NAA25: variants seen among roughly 807,000 people sequenced by gnomAD.
The protein encoded by NAA25 is N-terminal acetyltransferase B complex subunit NAA25.
NAA25 carries 30 observed loss-of-function variants against 132.5 expected under a neutral mutation model. That is an observed-to-expected ratio of 0.23 (90% confidence interval 0.17 to 0.31). The LOEUF is 0.31. NAA25 is among the 10% of genes least tolerant of loss of function. The pLI is 1.00. For missense variants in NAA25, 771 were observed against 1,150.4 expected (o/e 0.67, Z 4.77); for synonymous variants, 359 against 401.9 (o/e 0.89, Z 1.28).
At chr12:112,063,393 G>A (rs1329193716) in intron 11 of NAA25, among the ~76,000 whole-genome samples, 1 of 152,142 alleles carries the variant, frequency 6.6e-6, no homozygotes, top group Non-Finnish European at 1.5e-5. Flanking sequence ...GAACAGCCTG[G>A]GTTTTACAGC....
intron 13 of NAA25, among the ~76,000 whole-genome samples, chr12:112,054,802 T>C (rs1386445372): frequency 2.0e-5 from 3 of 152,060 alleles, no homozygotes; most frequent in Non-Finnish European, 4.4e-5. Flanking sequence ...CGATGCAGAT[T>C]TTAAGTGGCC....
At chr12:112,107,379 CTGT>C (rs1171772989) in intron 1 of NAA25, among the ~76,000 whole-genome samples, 1 of 151,458 alleles carries the variant, frequency 6.6e-6, no homozygotes, top group Non-Finnish European at 1.5e-5. Context: ...GTTTCCTCAT[CTGT>C]TTTTTTTTTT....
chr12:112,045,293 C>T (rs2078362781), intron 17 of NAA25, among the ~76,000 whole-genome samples: 1 of 151,842 alleles, frequency 6.6e-6, no homozygotes, highest in Non-Finnish European at 1.5e-5. Flanking sequence ...AGATCGAGAC[C>T]ATCCTGGCTA....
rs2078431770 is a variant in NAA25 at position 112,049,453 on chromosome 12, A to C, written c.1729-1010T>G. On this transcript the variant is annotated intron_variant, in intron 15 of 23. Coordinates refer to ENST00000261745, the MANE Select transcript of NAA25 (RefSeq NM_024953.4). The surrounding 1 kb of genome is among the most constrained non-coding windows in gnomAD (Gnocchi z 4.7). Reference sequence around the variant, plus strand: ...ATTACGTCTGAATAATTTGCCCAGTAGGAAAATAGGCCAATAGTCAACAAC... The same window carrying C: ...ATTACGTCTGAATAATTTGCCCAGTCGGAAAATAGGCCAATAGTCAACAAC... 29 of 985,838 alleles carry C rather than the reference A, an allele frequency of 2.9e-5. No individual in the cohort carries two copies. Among genetic ancestry groups the C allele is most frequent in the Non-Finnish European group, 3.5e-5 (29 of 829,902 alleles). The allele number at this position is 985,838 out of a possible 1,614,324, so 61.1% of individuals were successfully genotyped here. A position where few individuals can be genotyped will look rare whatever the true frequency, so the allele number is the denominator to read the frequency against.
At chr12:112,089,324 T>A (rs1233203933) in intron 3 of NAA25, among the ~76,000 whole-genome samples, 4 of 152,182 alleles carry the variant, frequency 2.6e-5, no homozygotes, top group Non-Finnish European at 5.9e-5. Context: ...GAATACCAAG[T>A]GTTGACAAGC....
At chr12:112,096,449 TTAAC>T (rs2079213865) in intron 1 of NAA25, among the ~76,000 whole-genome samples, 3 of 152,318 alleles carry the variant, frequency 2.0e-5, no homozygotes, top group African/African-American at 7.2e-5. Flanking sequence ...CAATTAACAC[TTAAC>T]TAAAACTTAG....
intron 10 of NAA25, among the ~76,000 whole-genome samples, chr12:112,070,653 C>G (rs1204781855): frequency 6.6e-6 from 1 of 152,140 alleles, no homozygotes; most frequent in Non-Finnish European, 1.5e-5. Context: ...TCTTGGCTAA[C>G]TGCAACCTCC....
intron 11 of NAA25, among the ~76,000 whole-genome samples, chr12:112,064,964 G>A (rs1178007596): frequency 2.0e-5 from 3 of 152,166 alleles, no homozygotes; most frequent in Non-Finnish European, 1.5e-5. Flanking sequence ...AACCCAGGAG[G>A]TGGAGGTTGC....
intron 1 of NAA25, among the ~76,000 whole-genome samples, chr12:112,101,449 G>C (rs1450343829): frequency 6.6e-6 from 1 of 152,052 alleles, no homozygotes; most frequent in South Asian, 2.1e-4. Flanking sequence ...CTAGAAAAAT[G>C]AAAGATATAT....
intron 13 of NAA25, among the ~76,000 whole-genome samples, chr12:112,056,863 C>A (rs2078553198): frequency 6.6e-6 from 1 of 152,148 alleles, no homozygotes; most frequent in African/African-American, 2.4e-5. Context: ...ATTTCTCTCA[C>A]CTATAAAACT....
chr12:112,071,933 C>T lies in NAA25; in HGVS notation c.998G>A (p.Arg333His), dbSNP rs972618736. 5 of 1,613,764 alleles carry T rather than the reference C, an allele frequency of 3.1e-6. No homozygotes were observed. Among genetic ancestry groups the T allele is most frequent in the Non-Finnish European group, 4.2e-6 (5 of 1,179,994 alleles). ...PHLAKLELIRRLRSQGCNDEY... is the reference protein window; with the variant it reads ...PHLAKLELIRHLRSQGCNDEY... The stretch of plus-strand genomic sequence containing the variant: ...ATCGTTACAACCTTGACTTCGTAAA[C>T]GCCTAATCAGCTCCAATTTAGCTAG... Residue 333 changes from arginine (R) to histidine (H), a missense_variant, in exon 10 of 24, where the codon CGT (arginine) becomes CAT (histidine). Arg to His is a conservative substitution (Grantham distance 29). Around this residue, in one of 3 missense-constraint regions of NAA25, gnomAD observed 417 missense variants for 733.8 expected, o/e 0.57. Transcript: ENST00000261745.
At chr12:112,088,202 C>T (rs1268902022) in intron 3 of NAA25, among the ~76,000 whole-genome samples, 1 of 152,016 alleles carries the variant, frequency 6.6e-6, no homozygotes, top group Non-Finnish European at 1.5e-5. Flanking sequence ...AGACCCAATT[C>T]AAATGTAAGC....
In NAA25 at chr12:112,048,313, T is replaced by C; in HGVS notation, c.1859A>G (p.Asp620Gly). The stretch of plus-strand genomic sequence containing the variant: ...TTACATATTTGCTTCAAGTAGAAGG[T>C]CTAACAGCATCCGTTCAGTACGGAC... ...AQVRTERMLLDLLLEANISTS... is the reference protein window; with the variant it reads ...AQVRTERMLLGLLLEANISTS... Residue 620 changes from aspartate to glycine, a missense_variant, in exon 16 of 24, where the codon GAC becomes GGC. Transcript: ENST00000261745. 6.2e-7 allele frequency: 1 copy of C among 1,613,812 alleles called. No homozygotes were observed. The highest frequency in any genetic ancestry group is 8.5e-7 in the Non-Finnish European group (1 of 1,179,832).
chr12:112,057,021 C>T (rs1323930603), intron 13 of NAA25, among the ~76,000 whole-genome samples: 4 of 151,896 alleles, frequency 2.6e-5, no homozygotes, highest in Non-Finnish European at 5.9e-5. Context: ...AACCCCGTCT[C>T]TACTAAAAAT....
In NAA25 at chr12:112,094,622, A is replaced by G. The variant is rs115791821; in HGVS notation, c.59-1486T>C. ...ATTGGGAGGTAGGGAATGAATTTCA[A>G]TAATAGCAGGAGTAGGCAAGGATGT... On this transcript the variant is annotated intron_variant, in intron 1 of 23. Coordinates refer to ENST00000261745, the MANE Select transcript of NAA25 (RefSeq NM_024953.4). 3.5e-3 allele frequency among the ~76,000 whole-genome samples: 537 copies of G among 152,274 alleles called. 2 individuals carry two copies. The highest frequency in any genetic ancestry group is 0.012 in the African/African-American group (513 of 41,564).
chr12:112,050,803 A>T (rs897203450), intron 15 of NAA25, among the ~76,000 whole-genome samples: 1 of 152,242 alleles, frequency 6.6e-6, no homozygotes, highest in Admixed American at 6.5e-5. Context: ...TCTATTCCAA[A>T]GTAAGATGAC....
At chr12:112,076,297 A>C (rs2078894951) in intron 7 of NAA25, among the ~76,000 whole-genome samples, 1 of 152,236 alleles carries the variant, frequency 6.6e-6, no homozygotes, top group Non-Finnish European at 1.5e-5. Context: ...CATTACTGAC[A>C]GTAAATTTTT....
intron 5 of NAA25, 138 bp downstream of exon 5, chr12:112,080,922 T>G: frequency 1.3e-6 from 1 of 768,562 alleles, no homozygotes; most frequent in Non-Finnish European, 2.3e-6. Flanking sequence ...GAGCTATGAT[T>G]GCACCACTGC....
intron 1 of NAA25, among the ~76,000 whole-genome samples, chr12:112,105,261 G>A (rs2079345928): frequency 6.6e-6 from 1 of 151,652 alleles, no homozygotes; most frequent in Non-Finnish European, 1.5e-5. Context: ...GGAGGTTACA[G>A]TGAGCCAAGA....
Sources: gnomAD v4.1 joint callset for allele counts (sites outside exome capture counted in the v4.1 genomes callset) on GRCh38, gnomAD v4.1.1 for gene constraint, gnomAD v4.1.1 regional missense constraint, Gnocchi (gnomAD v3.1) non-coding constraint, MANE v1.5 for transcripts, NCBI Gene and HGNC (gene_info 2026-07-23, HGNC 2026-07-21) for gene names.